Variants in SLC41A2 observed in about 807,000 individuals in gnomAD.
SLC41A2 encodes solute carrier family 41 member 2, also known as SLC41A1-like 1.
Under a neutral mutation model 58.3 loss-of-function variants are expected in SLC41A2, and 32 were observed. That is an observed-to-expected ratio of 0.55 (90% CI 0.41 to 0.74). The LOEUF is 0.74. SLC41A2 is among the 30% of genes least tolerant of loss of function. The pLI, the probability that SLC41A2 is intolerant of heterozygous loss-of-function variation, is 0.00. For synonymous variants in SLC41A2, 190 were observed against 235.0 expected (o/e 0.81, Z 1.75); for missense variants, 514 against 680.6 (o/e 0.76, Z 2.72).
chr12:104,932,651 T>C (rs1372986846), intron 1 of SLC41A2, among the ~76,000 whole-genome samples: 1 of 127,312 alleles, frequency 7.9e-6, no homozygotes, highest in Non-Finnish European at 1.6e-5. Context: ...AAAAAAGATA[T>C]AGTAACCAAA....
chr12:104,844,386 ATG>A, intron 10 of SLC41A2, 84 bp downstream of exon 10: 2 of 894,238 alleles, frequency 2.2e-6, no homozygotes, highest in Non-Finnish European at 3.1e-6. Flanking sequence ...AAATGGTAAA[ATG>A]TGTCATGTGT....
rs187541808 is a variant in SLC41A2 at position 104,881,867 on chromosome 12, C to A, written c.1027+4426G>T. Among the ~76,000 whole-genome samples the A allele has an allele frequency of 6.6e-5, 10 of 152,222 alleles. No individual in the cohort carries two copies. In the East Asian group the frequency reaches 1.9e-3, roughly 29 times the overall value. ...AGAGCTGAGTTCAAGTCCTGGATAT[C>A]CTTGTTAACTTTCTGTCTCGTTGAT... is the stretch of plus-strand genomic sequence containing the variant. On this transcript the variant is annotated intron_variant, in intron 6 of 10. Transcript: ENST00000258538.
intron 1 of SLC41A2, among the ~76,000 whole-genome samples, chr12:104,928,930 T>A (rs2046953401): frequency 6.6e-6 from 1 of 152,232 alleles, no homozygotes; most frequent in Non-Finnish European, 1.5e-5. Flanking sequence ...AAGTATTTCT[T>A]ATCTTTGCAT....
At chr12:104,938,556 A>G (rs993324091) in intron 1 of SLC41A2, among the ~76,000 whole-genome samples, 3 of 152,182 alleles carry the variant, frequency 2.0e-5, no homozygotes, top group Non-Finnish European at 4.4e-5. Flanking sequence ...CAATTCAGCT[A>G]TGTCTCTTTG....
chr12:104,942,781 G>C (rs998942477), intron 1 of SLC41A2, among the ~76,000 whole-genome samples: 11 of 152,108 alleles, frequency 7.2e-5, no homozygotes, highest in Non-Finnish European at 2.9e-5. Flanking sequence ...TACTCTGTAA[G>C]TTGTATTATT....
chr12:104,884,807 G>A (rs2044575232), intron 6 of SLC41A2, among the ~76,000 whole-genome samples: 1 of 152,108 alleles, frequency 6.6e-6, no homozygotes, highest in South Asian at 2.1e-4. Context: ...TATTCTATGG[G>A]GTCAGGACTA....
At chr12:104,818,063 A>G (rs1386958976) in intron 10 of SLC41A2, among the ~76,000 whole-genome samples, 1 of 152,234 alleles carries the variant, frequency 6.6e-6, no homozygotes. Flanking sequence ...CAATGAATAC[A>G]TATATCAAAA....
rs183449372 is a variant in SLC41A2 at position 104,812,994 on chromosome 12, C to A, written c.1537-7657G>T. 3.3e-5 allele frequency among the ~76,000 whole-genome samples: 5 copies of A among 152,060 alleles called. No individual in the cohort carries two copies. In the East Asian group the frequency reaches 9.7e-4, roughly 29 times the overall value. Reference sequence around the variant, plus strand: ...AGGAGTTTGAGACCAGCCTGGCCAACATGGTGAAACCCCATCTGTACTAAA... The same window carrying A: ...AGGAGTTTGAGACCAGCCTGGCCAAAATGGTGAAACCCCATCTGTACTAAA... On this transcript the variant is annotated intron_variant, in intron 10 of 10. Coordinates refer to ENST00000258538, the MANE Select transcript of SLC41A2 (RefSeq NM_001352171.3).
At chr12:104,888,881 T>A in intron 5 of SLC41A2, 152 bp downstream of exon 5, 2 of 780,694 alleles carry the variant, frequency 2.6e-6, no homozygotes, top group Non-Finnish European at 3.8e-6. Context: ...AATGTAAATA[T>A]ATCTGGAATA....
intron 10 of SLC41A2, among the ~76,000 whole-genome samples, chr12:104,808,179 TTCAG>T (rs1446744548): frequency 1.3e-5 from 2 of 152,202 alleles, no homozygotes; most frequent in Non-Finnish European, 2.9e-5. Context: ...TTTTTGCCCA[TTCAG>T]TATGATATTG....
chr12:104,828,491 G>C (rs1037807679), intron 10 of SLC41A2, among the ~76,000 whole-genome samples: 1 of 152,114 alleles, frequency 6.6e-6, no homozygotes, highest in Non-Finnish European at 1.5e-5. Flanking sequence ...TAAACTAAAA[G>C]AGCACCCTGT....
At chr12:104,888,920 T>C (rs1354894865) in intron 5 of SLC41A2, 113 bp downstream of exon 5, 12 of 1,092,250 alleles carry the variant, frequency 1.1e-5, no homozygotes, top group East Asian at 8.3e-5. Context: ...TTTGTAGATA[T>C]GTTTTTTCTG....
intron 6 of SLC41A2, among the ~76,000 whole-genome samples, chr12:104,882,960 CAAA>C (rs2044460245): frequency 1.3e-5 from 2 of 152,206 alleles, no homozygotes; most frequent in Non-Finnish European, 2.9e-5. Flanking sequence ...GTATACCAAT[CAAA>C]TGTAGATTTG....
intron 3 of SLC41A2, among the ~76,000 whole-genome samples, chr12:104,907,994 G>A (rs533308226): frequency 1.3e-5 from 2 of 152,318 alleles, no homozygotes; most frequent in African/African-American, 4.8e-5. Flanking sequence ...GCCAGGCACA[G>A]TGGCTCACGC....
chr12:104,875,959 T>G (rs1416987390), intron 6 of SLC41A2, among the ~76,000 whole-genome samples: 2 of 152,218 alleles, frequency 1.3e-5, no homozygotes, highest in Non-Finnish European at 2.9e-5. Flanking sequence ...ATTACTACTT[T>G]AATAACTATT....
chr12:104,814,339 C>A (rs2041301820), intron 10 of SLC41A2, among the ~76,000 whole-genome samples: 1 of 152,084 alleles, frequency 6.6e-6, no homozygotes, highest in East Asian at 1.9e-4. Flanking sequence ...GAGCTGAGAT[C>A]TCACCACTGC....
chr12:104,833,796 T>TG (rs1451259903), intron 10 of SLC41A2, among the ~76,000 whole-genome samples: 2 of 151,898 alleles, frequency 1.3e-5, no homozygotes, highest in Non-Finnish European at 2.9e-5. Context: ...TGTTTTTTTT[T>TG]TGTGGGGGGT....
intron 1 of SLC41A2, among the ~76,000 whole-genome samples, chr12:104,954,779 C>T (rs1463992969): frequency 1.3e-5 from 2 of 152,120 alleles, no homozygotes; most frequent in Non-Finnish European, 2.9e-5. Flanking sequence ...GCTTCACATG[C>T]TTTTTATCAG....
In SLC41A2 at chr12:104,932,624, C is replaced by CAAAAAAAAAAAAAAAAAAAAAAA. The variant is rs544329617; in HGVS notation, c.-167-3931_-167-3930insTTTTTTTTTTTTTTTTTTTTTTT. Among the ~76,000 whole-genome samples the CAAAAAAAAAAAAAAAAAAAAAAA allele has an allele frequency of 2.8e-4, 13 of 46,054 alleles. 1 individual carries two copies. The highest frequency in any genetic ancestry group is 6.0e-4 in the African/African-American group (7 of 11,576). 30.2% of individuals were successfully genotyped at this position (46,054 alleles called of 152,430 possible). On this transcript the variant is annotated intron_variant, in intron 1 of 10. Transcript: ENST00000258538. ...TGGGTGACGCAGTGAGACTTTGTCT[C>CAAAAAAAAAAAAAAAAAAAAAAA]AAAAAAAAAAAAAAAAAAAAAAGAT...
Sources: allele counts gnomAD v4.1 joint callset (sites outside exome capture counted in the v4.1 genomes callset), GRCh38; gene constraint gnomAD v4.1.1; transcripts MANE v1.5; gene names NCBI Gene and HGNC (gene_info 2026-07-23, HGNC 2026-07-21).